PBX1: variants seen among roughly 807,000 people sequenced by gnomAD.
PBX1 encodes the protein PBX homeobox 1, also known as pre-B-cell leukemia transcription factor 1.
Under a neutral mutation model 53.4 loss-of-function variants are expected in PBX1, and 6 were observed. The observed-to-expected ratio is 0.11, with a 90% confidence interval of 0.06 to 0.22. PBX1 has a LOEUF of 0.22. Among genes scored for constraint, PBX1 ranks in the 10% least tolerant of loss-of-function variants. The pLI is 1.00. For synonymous variants in PBX1, 204 were observed against 212.3 expected (o/e 0.96, Z 0.34); for missense variants, 251 against 551.4 (o/e 0.46, Z 5.46).
At chr1:164,698,064 T>G (rs963020015) in intron 2 of PBX1, among the ~76,000 whole-genome samples, 2 of 151,476 alleles carry the variant, frequency 1.3e-5, no homozygotes, top group African/African-American at 4.9e-5. Context: ...GCTCTTCTCT[T>G]TTTTAGGAAG....
At chr1:164,610,552 A>C (rs1381866580) in intron 2 of PBX1, among the ~76,000 whole-genome samples, 1 of 152,108 alleles carries the variant, frequency 6.6e-6, no homozygotes, top group Non-Finnish European at 1.5e-5. Flanking sequence ...TAAGAGGTTA[A>C]GGTCTTCATA....
chr1:164,868,233 A>G (rs540876841), intron 2 of PBX1, among the ~76,000 whole-genome samples: 1 of 152,268 alleles, frequency 6.6e-6, no homozygotes, highest in South Asian at 2.1e-4. Flanking sequence ...CATTTTTTTT[A>G]AACAGTGTCC....
chr1:164,692,016 A>G (rs186614111), intron 2 of PBX1, among the ~76,000 whole-genome samples: 6 of 152,374 alleles, frequency 3.9e-5, no homozygotes, highest in African/African-American at 1.4e-4. Context: ...CATGGGTCTC[A>G]TCCCCAAGAC....
intron 6 of PBX1, chr1:164,819,801 A>C (rs896988892): frequency 1.2e-5 from 4 of 336,006 alleles, no homozygotes; most frequent in Non-Finnish European, 2.2e-5. Context: ...GGAAGAATAA[A>C]GGTTCCCTTT....
At chr1:164,741,794 C>G (rs1488895511) in intron 2 of PBX1, among the ~76,000 whole-genome samples, 3 of 148,064 alleles carry the variant, frequency 2.0e-5, no homozygotes, top group African/African-American at 7.5e-5. Context: ...TTATAAACCA[C>G]TGAAGCCCGA....
In PBX1 at chr1:164,592,448, G is replaced by T. The variant is rs577209458; in HGVS notation, c.265+29137G>T. ...CCTGGCAGGCCTTTAATTCTCAAGGGTCTGCAAAGTTGATGGTCTGTTGAG... is the reference window on the plus strand; with the variant it reads ...CCTGGCAGGCCTTTAATTCTCAAGGTTCTGCAAAGTTGATGGTCTGTTGAG... On this transcript the variant is annotated intron_variant, in intron 2 of 8. Transcript: ENST00000420696. Among the ~76,000 whole-genome samples, 54 of 152,274 alleles carry T rather than the reference G, an allele frequency of 3.5e-4. 3 individuals carry two copies. In the South Asian group the frequency reaches 0.01, roughly 29 times the overall value.
chr1:164,765,739 T>C (rs747309055), intron 2 of PBX1, among the ~76,000 whole-genome samples: 40 of 151,978 alleles, frequency 2.6e-4, no homozygotes, highest in Admixed American at 1.3e-4. Context: ...GGCAGAGGAG[T>C]TGGAATTTAA....
intron 2 of PBX1, among the ~76,000 whole-genome samples, chr1:164,699,009 G>A (rs1662950201): frequency 6.6e-6 from 1 of 152,128 alleles, no homozygotes; most frequent in East Asian, 1.9e-4. Flanking sequence ...CAGAAGAGGG[G>A]GAAACTTAAA....
chr1:164,669,178 CG>C (rs1330227543), intron 2 of PBX1, among the ~76,000 whole-genome samples: 18 of 152,032 alleles, frequency 1.2e-4, no homozygotes, highest in African/African-American at 4.3e-4. Flanking sequence ...CTCTGAGACA[CG>C]GAACACTAGT....
In PBX1 at chr1:164,754,109, A is replaced by G. The variant is rs542762276; in HGVS notation, c.266-38385A>G. Among the ~76,000 whole-genome samples the G allele has an allele frequency of 2.0e-5, 3 of 152,188 alleles. No homozygotes were observed. The East Asian group carries it at 5.8e-4, about 29-fold the overall frequency. ...GGTGGGGGACTTAGAGCCTGTCCTA[A>G]TCTCTGGGTGATAGTGTGTGCCCAC... is the stretch of plus-strand genomic sequence containing the variant. On this transcript the variant is annotated intron_variant, in intron 2 of 8. Transcript: ENST00000420696.
At chr1:164,695,455 C>T (rs1662752738) in intron 2 of PBX1, among the ~76,000 whole-genome samples, 1 of 152,136 alleles carries the variant, frequency 6.6e-6, no homozygotes, top group Admixed American at 6.5e-5. Flanking sequence ...AGATTGTCTC[C>T]TACTAGCGAT....
intron 2 of PBX1, among the ~76,000 whole-genome samples, chr1:164,879,777 T>C (rs1316036831): frequency 6.6e-6 from 1 of 152,222 alleles, no homozygotes; most frequent in East Asian, 1.9e-4. Flanking sequence ...CCAAACTTTT[T>C]CAAATCTACT....
rs372558581 is a variant in PBX1, at chr1:164,559,900, G to A, written c.78G>A (p.Leu26=). Residue 26 remains leucine, a synonymous_variant, in exon 1 of 9, where the codon TTG becomes TTA. Coordinates refer to ENST00000420696, the MANE Select transcript of PBX1 (RefSeq NM_002585.4). ...GACACCCCGGCCTGTCCCAGCACTT[G>A]CAGGATGGGGCCGGAGGGACCGAGG... ...MAGHPGLSQH[L]QDGAGGTEGE... 237 of 1,550,434 alleles carry A rather than the reference G, an allele frequency of 1.5e-4. 1 individual carries two copies. The African/African-American group carries it at 3.0e-3, about 19-fold the overall frequency.
At chr1:164,611,447 C>T (rs1170083954) in intron 2 of PBX1, among the ~76,000 whole-genome samples, 2 of 152,022 alleles carry the variant, frequency 1.3e-5, no homozygotes, top group Admixed American at 6.6e-5. Flanking sequence ...ACCGTGTTAG[C>T]CAGGATGGTC....
chr1:164,823,568 C>T (rs1293682201), intron 8 of PBX1, among the ~76,000 whole-genome samples: 1 of 120,198 alleles, frequency 8.3e-6, no homozygotes, highest in Non-Finnish European at 1.6e-5. Context: ...TCTTTCTTTC[C>T]TAATTGGGCA....
intron 2 of PBX1, among the ~76,000 whole-genome samples, chr1:164,679,882 A>G (rs1162670696): frequency 6.6e-6 from 1 of 152,026 alleles, no homozygotes; most frequent in African/African-American, 2.4e-5. Context: ...AGGCTCAGAA[A>G]AATGAAGCTC....
At chr1:164,824,856 T>C (rs1670373438) in intron 8 of PBX1, among the ~76,000 whole-genome samples, 1 of 152,236 alleles carries the variant, frequency 6.6e-6, no homozygotes, top group South Asian at 2.1e-4. Context: ...CCATTCTCAC[T>C]GCCACCATCC....
At chr1:164,601,915 G>C (rs1288019713) in intron 2 of PBX1, among the ~76,000 whole-genome samples, 2 of 152,200 alleles carry the variant, frequency 1.3e-5, no homozygotes, top group African/African-American at 4.8e-5. Flanking sequence ...GATCCTGGCT[G>C]AGAGCAGAGA....
At chr1:164,689,906 C>T (rs1241563927) in intron 2 of PBX1, among the ~76,000 whole-genome samples, 1 of 152,056 alleles carries the variant, frequency 6.6e-6, no homozygotes, top group Non-Finnish European at 1.5e-5. Context: ...ACTGGTGATA[C>T]AGTTCTCTCC....
Sources: allele counts gnomAD v4.1 joint callset (sites outside exome capture counted in the v4.1 genomes callset), GRCh38; gene constraint gnomAD v4.1.1; transcripts MANE v1.5; gene names NCBI Gene and HGNC (gene_info 2026-07-23, HGNC 2026-07-21).